The following DPYD variants were observed in gnomAD, a reference collection of about 807,000 sequenced individuals.
DPYD encodes the protein dihydropyrimidine dehydrogenase.
Under a neutral mutation model 116.2 loss-of-function variants are expected in DPYD, and 109 were observed. The observed-to-expected ratio is 0.94, with a 90% CI of 0.80 to 1.10. The LOEUF is 1.10. DPYD is among the 50% of genes least tolerant of loss of function. DPYD has a pLI of 0.00. For missense variants in DPYD, 1,302 were observed against 1,254.5 expected (o/e 1.04, Z -0.57); for synonymous variants, 440 against 432.0 (o/e 1.02, Z -0.23).
At chr1:97,098,249 T>C (rs568588380) in intron 21 of DPYD, among the ~76,000 whole-genome samples, 1 of 152,260 alleles carries the variant, frequency 6.6e-6, no homozygotes, top group East Asian at 1.9e-4. Context: ...ATTTAATGTA[T>C]ATAAAAATTT....
At chr1:97,187,239 C>T (rs969421077) in intron 20 of DPYD, among the ~76,000 whole-genome samples, 5 of 152,142 alleles carry the variant, frequency 3.3e-5, no homozygotes, top group Admixed American at 1.3e-4. Flanking sequence ...TCACCTACAT[C>T]TGTTATTTTT....
chr1:97,815,556 TAC>T (rs1345435979), intron 3 of DPYD, among the ~76,000 whole-genome samples: 1 of 152,108 alleles, frequency 6.6e-6, no homozygotes, highest in East Asian at 1.9e-4. Flanking sequence ...AAGTACAAAT[TAC>T]AGATTTGGCA....
chr1:97,713,920 T>C (rs1476198816), intron 5 of DPYD, among the ~76,000 whole-genome samples: 1 of 152,120 alleles, frequency 6.6e-6, no homozygotes, highest in African/African-American at 2.4e-5. Context: ...ATCATTAATC[T>C]AACAAATATA....
intron 20 of DPYD, among the ~76,000 whole-genome samples, chr1:97,171,862 C>T (rs1656744185): frequency 6.6e-6 from 1 of 152,058 alleles, no homozygotes; most frequent in African/African-American, 2.4e-5. Context: ...AGAACTTAGC[C>T]TGGCTGTGCA....
chr1:97,881,793 G>C (rs916805098), intron 2 of DPYD, among the ~76,000 whole-genome samples: 6 of 151,704 alleles, frequency 4.0e-5, no homozygotes, highest in Non-Finnish European at 8.8e-5. Context: ...AAAAATTAGA[G>C]ATTTAGGCTT....
chr1:97,672,200 G>A (rs1659907301), intron 8 of DPYD, among the ~76,000 whole-genome samples: 1 of 152,010 alleles, frequency 6.6e-6, no homozygotes, highest in Non-Finnish European at 1.5e-5. Flanking sequence ...CCTTAAAAGA[G>A]CCACTGTCAA....
At chr1:97,916,782 AG>A (rs1471699273) in intron 1 of DPYD, among the ~76,000 whole-genome samples, 2 of 152,164 alleles carry the variant, frequency 1.3e-5, no homozygotes, top group Non-Finnish European at 2.9e-5. Context: ...CCAAGCTGAA[AG>A]GTTCGCTTGA....
At position 97,389,182 on chromosome 1, in the gene DPYD, C is replaced by T. The variant is rs373765425; in HGVS notation, c.1906-6721G>A. Among the ~76,000 whole-genome samples the T allele has an allele frequency of 2.0e-5, 3 of 151,614 alleles. No individual in the cohort carries two copies. The East Asian group carries it at 5.9e-4, about 30-fold the overall frequency. On this transcript the variant is annotated intron_variant, in intron 14 of 22. Transcript: ENST00000370192. ...TGGGCCAAGCATGGTGGCTCATATG[C>T]CTGTAATCCCAGCTACTCAGGAGGC...
chr1:97,798,727 A>G (rs942618654), intron 3 of DPYD, among the ~76,000 whole-genome samples: 7 of 152,102 alleles, frequency 4.6e-5, no homozygotes, highest in African/African-American at 1.4e-4. Flanking sequence ...AATGATCAAA[A>G]TAAAGCTTGT....
intron 3 of DPYD, among the ~76,000 whole-genome samples, chr1:97,796,662 A>AG (rs1265523433): frequency 9.2e-5 from 14 of 152,138 alleles, no homozygotes; most frequent in Non-Finnish European, 1.5e-5. Flanking sequence ...AAGACAAAGA[A>AG]GGAGGGTGAG....
chr1:97,534,876 A>C (rs1649880814), intron 12 of DPYD, among the ~76,000 whole-genome samples: 1 of 151,994 alleles, frequency 6.6e-6, no homozygotes, highest in African/African-American at 2.4e-5. Flanking sequence ...TAGATTTTTA[A>C]TTTTTTATAT....
At chr1:97,137,486 C>T (rs1227610895) in intron 20 of DPYD, among the ~76,000 whole-genome samples, 1 of 152,178 alleles carries the variant, frequency 6.6e-6, no homozygotes, top group Non-Finnish European at 1.5e-5. Context: ...TTTAATAACA[C>T]AAACACTTAA....
chr1:97,320,035 C>A (rs1483062948), intron 16 of DPYD, among the ~76,000 whole-genome samples: 1 of 119,252 alleles, frequency 8.4e-6, no homozygotes, highest in Admixed American at 8.6e-5. Flanking sequence ...TTCAACAATG[C>A]TTCATGCTAA....
In DPYD at chr1:97,691,796, G is replaced by A. The variant is rs2100950284; in HGVS notation, c.683C>T (p.Thr228Ile). The change falls in exon 7 of 23, where the codon ACT (threonine) becomes ATT (isoleucine). Residue 228 changes from threonine to isoleucine, a missense_variant and splice_region_variant. Transcript: ENST00000370192. ...CAGCCGGAACTGAGGAATTTCAGAA[G>A]TACTGAAAAGAAAGGAGAAAGAAAA... is the stretch of plus-strand genomic sequence containing the variant. The part of the protein sequence containing the change: ...EKQEYVGGLS[T>I]SEIPQFRLPY... 1 of 1,613,050 alleles carries A rather than the reference G, an allele frequency of 6.2e-7. No homozygotes were observed. The highest frequency in any genetic ancestry group is 8.5e-7 in the Non-Finnish European group (1 of 1,179,420).
chr1:97,195,614 ATGTATG>A (rs1470174195), intron 19 of DPYD, among the ~76,000 whole-genome samples: 2 of 112,918 alleles, frequency 1.8e-5, no homozygotes, highest in East Asian at 5.5e-4. Context: ...GTGTATATAT[ATGTATG>A]TGTATATGTA....
intron 13 of DPYD, among the ~76,000 whole-genome samples, chr1:97,502,990 C>T (rs1235569832): frequency 6.6e-6 from 1 of 151,898 alleles, no homozygotes; most frequent in South Asian, 2.1e-4. Context: ...GAAGAGGTAA[C>T]CCTCAACACT....
intron 16 of DPYD, among the ~76,000 whole-genome samples, chr1:97,353,087 T>C (rs1670234626): frequency 6.6e-6 from 1 of 151,240 alleles, no homozygotes; most frequent in African/African-American, 2.4e-5. Context: ...AGGAACAAGA[T>C]GACAGGAAAA....
intron 8 of DPYD, among the ~76,000 whole-genome samples, chr1:97,653,231 A>G (rs1374719292): frequency 2.0e-4 from 30 of 152,146 alleles, no homozygotes; most frequent in Admixed American, 2.0e-3. Context: ...AATCTGACAA[A>G]TCATTAAATG....
In DPYD at chr1:97,399,046, C is replaced by G. The variant is rs191916527; in HGVS notation, c.1906-16585G>C. ...CATGCCTATGTCCTGAATGGTATTG[C>G]CTAGGTTTTTGTCTAGGGTTTTTAT... On this transcript the variant is annotated intron_variant, in intron 14 of 22. Transcript: ENST00000370192. Among the ~76,000 whole-genome samples, 49 of 152,216 alleles carry G rather than the reference C, an allele frequency of 3.2e-4. No individual in the cohort carries two copies. The East Asian group carries it at 4.1e-3, about 13-fold the overall frequency.
Sources: gnomAD v4.1 joint callset for allele counts (sites outside exome capture counted in the v4.1 genomes callset) on GRCh38, gnomAD v4.1.1 for gene constraint, MANE v1.5 for transcripts, NCBI Gene and HGNC (gene_info 2026-07-23, HGNC 2026-07-21) for gene names.